Variants in TESC observed in about 807,000 individuals in gnomAD.
TESC encodes the protein tescalcin, also known as calcineurin B homologous protein 3.
A neutral mutation model predicts 31.0 loss-of-function variants in TESC; 19 were observed. That is an observed-to-expected ratio of 0.61 (90% CI 0.43 to 0.90). The LOEUF (loss-of-function observed/expected upper bound fraction) is 0.90. Among genes scored for constraint, TESC ranks in the 40% least tolerant of loss-of-function variants. TESC has a pLI of 0.00. For synonymous variants in TESC, 109 were observed against 114.8 expected (o/e 0.95, Z 0.32); for missense variants, 248 against 303.8 (o/e 0.82, Z 1.36).
chr12:117,046,837 A>G lies in TESC; in HGVS notation c.351T>C (p.Phe117=). 1 of 1,567,572 alleles carries G rather than the reference A, an allele frequency of 6.4e-7. No homozygotes were observed. Among genetic ancestry groups the G allele is most frequent in the Non-Finnish European group, 8.7e-7 (1 of 1,155,798 alleles). The change falls in exon 5 of 8, where the codon TTT becomes TTC. Residue 117 remains phenylalanine (F), a splice_region_variant and synonymous_variant. Coordinates refer to ENST00000335209, the MANE Select transcript of TESC (RefSeq NM_017899.4). ...VELSRKEKLR[F]LFHMYDSDSD... Reference sequence around the variant, plus strand: ...TGTCCGAGTCGTACATGTGGAACAGAACTAGGGTGGCAGGGGAGAGAGGGG... The same window carrying G: ...TGTCCGAGTCGTACATGTGGAACAGGACTAGGGTGGCAGGGGAGAGAGGGG...
intron 1 of TESC, among the ~76,000 whole-genome samples, chr12:117,083,712 G>C (rs1955179236): frequency 6.6e-6 from 1 of 152,226 alleles, no homozygotes; most frequent in African/African-American, 2.4e-5. Flanking sequence ...AAATGAAGTA[G>C]ATTGATGGTT....
chr12:117,068,549 C>T (rs1451095964), intron 2 of TESC, among the ~76,000 whole-genome samples: 2 of 152,038 alleles, frequency 1.3e-5, no homozygotes, highest in Non-Finnish European at 2.9e-5. Flanking sequence ...ACAAAAGGAA[C>T]ACTGCTGAAG....
chr12:117,075,863 A>ATGTG lies in TESC; in HGVS notation c.59-524_59-523insCACA, dbSNP rs1565971343. Among the ~76,000 whole-genome samples the ATGTG allele has an allele frequency of 4.3e-3, 212 of 49,366 alleles. 9 individuals are homozygous for ATGTG. The highest frequency in any genetic ancestry group is 0.038 in the South Asian group (52 of 1,368). 32.4% of individuals were successfully genotyped at this position (49,366 alleles called of 152,430 possible). The stretch of plus-strand genomic sequence containing the variant: ...TGTGTGTGTGTATATATATATATAT[A>ATGTG]TATATATGTGTGTATATATATATAT... On this transcript the variant is annotated intron_variant, in intron 1 of 7. Transcript: ENST00000335209.
intron 7 of TESC, among the ~76,000 whole-genome samples, chr12:117,041,203 G>T (rs977384018): frequency 6.6e-6 from 1 of 152,200 alleles, no homozygotes; most frequent in Non-Finnish European, 1.5e-5. Flanking sequence ...GCCGCTTTAC[G>T]AAAGTGTCAT....
At chr12:117,046,084 C>T (rs954767782) in intron 6 of TESC, among the ~76,000 whole-genome samples, 14 of 152,174 alleles carry the variant, frequency 9.2e-5, no homozygotes, top group African/African-American at 3.4e-4. Flanking sequence ...CCAGCCCCCA[C>T]CTCGGCTCCT....
chr12:117,067,205 T>C (rs1028935908), intron 2 of TESC, among the ~76,000 whole-genome samples: 5 of 152,240 alleles, frequency 3.3e-5, no homozygotes, highest in African/African-American at 9.6e-5. Context: ...TAAATTCTGA[T>C]GGTGAAACAG....
At chr12:117,083,926 T>C (rs1321499148) in intron 1 of TESC, 2 of 152,108 alleles carry the variant, frequency 1.3e-5, no homozygotes, top group Admixed American at 6.6e-5. Context: ...AGACCCCATC[T>C]CTACTGAAAA....
At chr12:117,074,240 T>C (rs891869339) in intron 2 of TESC, among the ~76,000 whole-genome samples, 14 of 151,964 alleles carry the variant, frequency 9.2e-5, no homozygotes, top group African/African-American at 3.4e-4. Context: ...TGATGGCACA[T>C]GCCTGTGGTC....
At chr12:117,058,745 T>TAAA (rs3070303) in intron 2 of TESC, among the ~76,000 whole-genome samples, 35 of 124,176 alleles carry the variant, frequency 2.8e-4, no homozygotes, top group African/African-American at 8.9e-4. Context: ...TCCAATCTCT[T>TAAA]AAAAAAAAAA....
chr12:117,065,836 C>T (rs747000525), intron 2 of TESC, among the ~76,000 whole-genome samples: 15 of 152,160 alleles, frequency 9.9e-5, no homozygotes, highest in South Asian at 4.1e-4. Context: ...GAGCTGAGAT[C>T]GAACCACCAC....
intron 2 of TESC, among the ~76,000 whole-genome samples, chr12:117,061,101 C>T (rs1373901517): frequency 6.6e-6 from 1 of 152,156 alleles, no homozygotes; most frequent in Non-Finnish European, 1.5e-5. Flanking sequence ...CAAACAGGAA[C>T]CTCACAGGGT....
In TESC at chr12:117,046,812, T is replaced by G; in HGVS notation, c.376A>C (p.Ser126Arg). Reference protein sequence around the residue: ...RFLFHMYDSDSDGRITLEEYR... With the variant: ...RFLFHMYDSDRDGRITLEEYR... The stretch of plus-strand genomic sequence containing the variant: ...TCTTCCAGAGTGATGCGGCCGTCGC[T>G]GTCCGAGTCGTACATGTGGAACAGA... Residue 126 changes from serine to arginine, a missense_variant, in exon 5 of 8, where the codon AGC (serine) becomes CGC (arginine). Transcript: ENST00000335209. The G allele has an allele frequency of 6.4e-7, 1 of 1,571,900 alleles. No homozygotes were observed. Among genetic ancestry groups the G allele is most frequent in the East Asian group, 2.3e-5 (1 of 42,982 alleles).
intron 2 of TESC, among the ~76,000 whole-genome samples, chr12:117,057,929 G>C (rs1954748922): frequency 6.6e-6 from 1 of 152,072 alleles, no homozygotes; most frequent in African/African-American, 2.4e-5. Context: ...AAAACATGAT[G>C]CTAAGTGAGC....
chr12:117,098,915 G>C (rs1278605573), intron 1 of TESC, among the ~76,000 whole-genome samples: 2 of 152,080 alleles, frequency 1.3e-5, no homozygotes. Context: ...TGCCCGCCCG[G>C]CCTGAGGCAC....
intron 1 of TESC, among the ~76,000 whole-genome samples, chr12:117,094,287 T>A (rs2135807334): frequency 6.6e-6 from 1 of 152,242 alleles, no homozygotes; most frequent in African/African-American, 2.4e-5. Context: ...TGATGCCCTG[T>A]GTGGCAAGCT....
At chr12:117,057,622 C>A (rs960288488) in intron 2 of TESC, among the ~76,000 whole-genome samples, 1 of 152,172 alleles carries the variant, frequency 6.6e-6, no homozygotes, top group Non-Finnish European at 1.5e-5. Flanking sequence ...CCCAGCAACT[C>A]CACTCCTAGG....
intron 3 of TESC, among the ~76,000 whole-genome samples, 169 bp from the exon 4 acceptor site, chr12:117,049,327 G>T (rs1003361456): frequency 6.6e-6 from 1 of 152,234 alleles, no homozygotes; most frequent in Admixed American, 6.5e-5. Flanking sequence ...GGGGCTGCAG[G>T]CTCCGGAAGC....
Position 117,049,017 on chromosome 12 carries a change from A to C in TESC, c.349+2T>G. 1.2e-6 allele frequency: 2 copies of C among 1,614,142 alleles called. No individual in the cohort carries two copies. Among genetic ancestry groups the C allele is most frequent in the Non-Finnish European group, 1.7e-6 (2 of 1,180,004 alleles). On this transcript the variant is annotated splice_donor_variant, in intron 4 of 7. Coordinates refer to ENST00000335209, the MANE Select transcript of TESC (RefSeq NM_017899.4). LOFTEE classifies it high-confidence loss of function. ...TGAGCAAGGGGACTCAGTGGCACGC[A>C]CATCTCAGCTTCTCCTTCCGGGACA...
chr12:117,053,686 C>T (rs892666910), intron 3 of TESC, among the ~76,000 whole-genome samples: 1 of 152,190 alleles, frequency 6.6e-6, no homozygotes, highest in Non-Finnish European at 1.5e-5. Context: ...GGAAACAAGC[C>T]TCGTGCCTAC....
Sources: gnomAD v4.1 joint callset for allele counts (sites outside exome capture counted in the v4.1 genomes callset) on GRCh38, gnomAD v4.1.1 for gene constraint, MANE v1.5 for transcripts, NCBI Gene and HGNC (gene_info 2026-07-23, HGNC 2026-07-21) for gene names.